Variants in DHRS2 observed in about 807,000 individuals in gnomAD.
DHRS2 encodes dehydrogenase/reductase 2.
DHRS2 carries 29 observed loss-of-function variants against 26.3 expected under a neutral mutation model. That is an observed-to-expected ratio of 1.10 (90% CI 0.82 to 1.50). The LOEUF (loss-of-function observed/expected upper bound fraction) is 1.50. Ranked by LOEUF, DHRS2 falls within the 40% of genes most tolerant of loss-of-function variation. The probability of loss-of-function intolerance (pLI) is 0.00; values close to 1 mark genes in which losing one functional copy is unlikely to be tolerated. For synonymous variants in DHRS2, 164 were observed against 151.3 expected (o/e 1.08, Z -0.62); for missense variants, 439 against 367.1 (o/e 1.20, Z -1.60).
chr14:23,632,254 G>T (rs867145717), upstream of DHRS2, among the ~76,000 whole-genome samples: 5 of 152,206 alleles, frequency 3.3e-5, no homozygotes, highest in Middle Eastern at 3.2e-3. Flanking sequence ...AGTTCCCCAG[G>T]GGGGGCATAA....
In DHRS2 at chr14:23,636,375, C is replaced by T. The variant is rs918991082; in HGVS notation, c.-436C>T. On this transcript the variant is annotated 5_prime_UTR_variant, in exon 1 of 9. Transcript: ENST00000250383. ...CCTGAGCCGGCAGCAGCAACCTGCT[C>T]TGGTTCCCTTCCACGCTGTGGAAGC... 1.3e-5 allele frequency: 2 copies of T among 152,094 alleles called. No individual in the cohort carries two copies. The highest frequency in any genetic ancestry group is 6.5e-5 in the Admixed American group (1 of 15,282). The allele number at this position is 152,094 out of a possible 1,614,324, so 9.4% of individuals were successfully genotyped here. A position where few individuals can be genotyped will look rare whatever the true frequency, so the allele number is the denominator to read the frequency against.
In DHRS2 at chr14:23,643,095, C is replaced by A; in HGVS notation, c.421-57C>A. 3.2e-6 allele frequency: 5 copies of A among 1,571,282 alleles called. No individual in the cohort carries two copies. In the South Asian group the frequency reaches 5.6e-5, roughly 18 times the overall value. ...CAGGGCTCCAAGTGTCTTATGAGAG[C>A]AGGACTTGGGCTGACCATGTCTCTC... On this transcript the variant is annotated intron_variant, in intron 4 of 8. Transcript: ENST00000250383.
In DHRS2 at chr14:23,639,896, G is replaced by A. The variant is rs1890563532; in HGVS notation, c.420+1G>A. 1 of 1,594,814 alleles carries A rather than the reference G, an allele frequency of 6.3e-7. No individual in the cohort carries two copies. The highest frequency in any genetic ancestry group is 8.5e-7 in the Non-Finnish European group (1 of 1,170,668). ...GACCAGTGAGCAGATCTGGGACAAG[G>A]TGAGAGGCCTCCCCTGGGGAGGCGG... On this transcript the variant is annotated splice_donor_variant, in intron 4 of 8. Transcript: ENST00000250383. LOFTEE classifies it high-confidence loss of function.
intron 1 of DHRS2, 27 bp from the exon 2 acceptor site, chr14:23,638,800 A>T (rs951900386): frequency 6.3e-7 from 1 of 1,576,102 alleles, no homozygotes; most frequent in African/African-American, 1.3e-5. Flanking sequence ...GGCATCAGTG[A>T]TAAGTGAAAT....
In DHRS2 at chr14:23,645,337, A is replaced by G; in HGVS notation, c.*84A>G. On this transcript the variant is annotated 3_prime_UTR_variant, in exon 9 of 9. Transcript: ENST00000250383. ...TAGGTGATCATTTGGATCTGGAGGC[A>G]GAGTCTGCCATTCTGCCAGACTAGC... The G allele has an allele frequency of 1.2e-6, 2 of 1,604,068 alleles. No individual in the cohort carries two copies. The highest frequency in any genetic ancestry group is 4.5e-5 in the East Asian group (2 of 44,762).
chr14:23,631,229 A>G (rs972050249), intron 1 of DHRS2, among the ~76,000 whole-genome samples: 2 of 152,166 alleles, frequency 1.3e-5, no homozygotes, highest in African/African-American at 2.4e-5. Context: ...TCAGGTTAGA[A>G]TTTGGTATCT....
Position 23,643,322 on chromosome 14 carries a change from G to T in DHRS2, c.488+103G>T, listed in dbSNP as rs2295909. Reference sequence around the variant, plus strand: ...CAGTAGTGGGTAGAGGACAGAAGAGGTCTGGGATCTCCACATCCCTCATCT... The same window carrying T: ...CAGTAGTGGGTAGAGGACAGAAGAGTTCTGGGATCTCCACATCCCTCATCT... On this transcript the variant is annotated intron_variant, in intron 5 of 8. Coordinates refer to ENST00000250383, the MANE Select transcript of DHRS2 (RefSeq NM_005794.4). 2.4e-3 allele frequency: 2,575 copies of T among 1,056,820 alleles called. 19 individuals are homozygous for T. Among genetic ancestry groups the T allele is most frequent in the East Asian group, 0.013 (541 of 41,498 alleles). The allele number at this position is 1,056,820 out of a possible 1,614,324, so 65.5% of individuals were successfully genotyped here. A position where few individuals can be genotyped will look rare whatever the true frequency, so the allele number is the denominator to read the frequency against.
At chr14:23,632,026 G>A (rs1890133699), upstream of DHRS2, among the ~76,000 whole-genome samples, 1 of 152,208 alleles carries the variant, frequency 6.6e-6, no homozygotes. Flanking sequence ...CAGACAAGCA[G>A]GGCTTGGTAA....
At chr14:23,643,075 C>A in intron 4 of DHRS2, 77 bp from the exon 5 acceptor site, 1 of 1,449,828 alleles carries the variant, frequency 6.9e-7, no homozygotes, top group Non-Finnish European at 9.7e-7. Flanking sequence ...AATTACAGGG[C>A]TCCAAGTGTC....
chr14:23,631,079 T>C (rs1198468082), intron 1 of DHRS2, among the ~76,000 whole-genome samples: 1 of 152,140 alleles, frequency 6.6e-6, no homozygotes, highest in Non-Finnish European at 1.5e-5. Flanking sequence ...GAGAAGGGGA[T>C]TTTCTATAGG....
intron 8 of DHRS2, 74 bp from the exon 9 acceptor site, chr14:23,645,068 C>A: frequency 6.2e-7 from 1 of 1,603,366 alleles, no homozygotes; most frequent in Non-Finnish European, 8.5e-7. Context: ...CCCACTCCCA[C>A]CTGTCATCCG....
At chr14:23,638,800 A>G (rs951900386) in intron 1 of DHRS2, 27 bp from the exon 2 acceptor site, 1 of 1,576,102 alleles carries the variant, frequency 6.3e-7, no homozygotes, top group Non-Finnish European at 8.6e-7. Context: ...GGCATCAGTG[A>G]TAAGTGAAAT....
chr14:23,643,878 G>T (rs978213966), intron 5 of DHRS2: 4 of 559,002 alleles, frequency 7.2e-6, no homozygotes, highest in Non-Finnish European at 1.3e-5. Flanking sequence ...AGAAGATAAG[G>T]GTTCTGAGCA....
Position 23,639,220 on chromosome 14 carries a change from C to G in DHRS2, c.182C>G (p.Ala61Gly). Residue 61 changes from alanine (A) to glycine (G), a missense_variant, in exon 3 of 9, where the codon GCC (alanine) becomes GGC (glycine). By Grantham distance (60) the Ala-to-Gly change is moderately conservative. Coordinates refer to ENST00000250383, the MANE Select transcript of DHRS2 (RefSeq NM_005794.4). ...GCCCGACGTCTGGCCCGGGACGGGG[C>G]CCACGTGGTCATCAGCAGCCGGAAG... ...AIARRLARDGAHVVISSRKQQ... is the reference protein window; with the variant it reads ...AIARRLARDGGHVVISSRKQQ... 8 of 1,613,822 alleles carry G rather than the reference C, an allele frequency of 5.0e-6. No homozygotes were observed. Among genetic ancestry groups the G allele is most frequent in the Non-Finnish European group, 6.8e-6 (8 of 1,179,904 alleles).
In DHRS2 at chr14:23,645,056, A is replaced by C. The variant is rs555821755; in HGVS notation, c.732-86A>C. 221 of 1,596,550 alleles carry C rather than the reference A, an allele frequency of 1.4e-4. 4 individuals are homozygous for C. In the South Asian group the frequency reaches 2.4e-3, roughly 17 times the overall value. Reference sequence around the variant, plus strand: ...GCTGCATCCACCTTGTTCCCCATGGAGCCCACTCCCACCTGTCATCCGTGA... The same window carrying C: ...GCTGCATCCACCTTGTTCCCCATGGCGCCCACTCCCACCTGTCATCCGTGA... On this transcript the variant is annotated intron_variant, in intron 8 of 8. Transcript: ENST00000250383.
intron 5 of DHRS2, chr14:23,643,850 C>T (rs1032950711): frequency 2.0e-6 from 1 of 508,182 alleles, no homozygotes; most frequent in Non-Finnish European, 3.6e-6. Flanking sequence ...CCTTCAAGCA[C>T]CTGGCAAGAG....
chr14:23,642,225 C>A lies in DHRS2; in HGVS notation c.421-927C>A, dbSNP rs979272920. 36 of 918,376 alleles carry A rather than the reference C, an allele frequency of 3.9e-5. No individual in the cohort carries two copies. The African/African-American group carries it at 6.1e-4, about 16-fold the overall frequency. The allele number at this position is 918,376 out of a possible 1,614,324, so 56.9% of individuals were successfully genotyped here. A position where few individuals can be genotyped will look rare whatever the true frequency, so the allele number is the denominator to read the frequency against. ...CTGCGATAAGCTGGTGTGTGTAGGCCCTTACAGCCTGCATTTTTATGACCA... is the reference window on the plus strand; with the variant it reads ...CTGCGATAAGCTGGTGTGTGTAGGCACTTACAGCCTGCATTTTTATGACCA... On this transcript the variant is annotated intron_variant, in intron 4 of 8. Transcript: ENST00000250383.
intron 4 of DHRS2, chr14:23,641,416 C>T (rs1430266596): frequency 8.7e-6 from 3 of 345,390 alleles, no homozygotes; most frequent in Non-Finnish European, 1.6e-5. Context: ...TAGTTCTCTG[C>T]TCAGAACTAC....
chr14:23,644,485 A>G lies in DHRS2; in HGVS notation c.617A>G (p.Lys206Arg), dbSNP rs375537396. The G allele has an allele frequency of 8.7e-6, 14 of 1,614,110 alleles. No homozygotes were observed. The highest frequency in any genetic ancestry group is 1.1e-5 in the Non-Finnish European group (13 of 1,180,048). ...TRTLALELAP[K>R]DIRVNCVVPG... Reference sequence around the variant, plus strand: ...ACACTGGCATTGGAGCTGGCCCCCAAGGACATCCGGGTAAACTGCGTGGTT... The same window carrying G: ...ACACTGGCATTGGAGCTGGCCCCCAGGGACATCCGGGTAAACTGCGTGGTT... The change falls in exon 7 of 9, where the codon AAG (lysine) becomes AGG (arginine). Residue 206 changes from lysine (K) to arginine (R), a missense_variant. Transcript: ENST00000250383.
Sources: gnomAD v4.1 joint callset for allele counts (sites outside exome capture counted in the v4.1 genomes callset) on GRCh38, gnomAD v4.1.1 for gene constraint, MANE v1.5 for transcripts, NCBI Gene and HGNC (gene_info 2026-07-23, HGNC 2026-07-21) for gene names.